The following TET1 variants were observed in gnomAD, a reference collection of about 807,000 sequenced individuals.
The protein encoded by TET1 is tet methylcytosine dioxygenase 1.
In TET1, 13 loss-of-function variants were observed where a neutral mutation model predicts 148.7. That is an observed-to-expected ratio of 0.09 (90% CI 0.06 to 0.14). The LOEUF (loss-of-function observed/expected upper bound fraction) is 0.14, where lower values mean the gene tolerates loss of function less well. Among genes scored for constraint, TET1 ranks in the 10% least tolerant of loss-of-function variants. The pLI is 1.00. For missense variants in TET1, 2,182 were observed against 2,553.8 expected, an observed-to-expected ratio of 0.85 and a Z score of 3.14; for synonymous variants, 907 against 937.2, an observed-to-expected ratio of 0.97 and a Z score of 0.59.
chr10:68,654,382 G>A (rs527929616), intron 6 of TET1, among the ~76,000 whole-genome samples: 7 of 152,220 alleles, frequency 4.6e-5, no homozygotes, highest in South Asian at 4.1e-4. Context: ...ATGGGAGGCC[G>A]AGTGGGGCAG....
chr10:68,602,904 T>C (rs1296936502), intron 3 of TET1, among the ~76,000 whole-genome samples: 1 of 152,246 alleles, frequency 6.6e-6, no homozygotes, highest in Admixed American at 6.5e-5. Flanking sequence ...AAGCTTTGTT[T>C]CTCTGCTTCA....
intron 3 of TET1, among the ~76,000 whole-genome samples, chr10:68,626,077 G>A (rs1156864916): frequency 7.0e-5 from 8 of 113,576 alleles, no homozygotes; most frequent in East Asian, 2.5e-4. Flanking sequence ...GAGTAAGAAC[G>A]AGACCCTATC....
rs188384588 is a variant in TET1 at position 68,602,180 on chromosome 10, G to A, written c.1968+1146G>A. Among the ~76,000 whole-genome samples the A allele has an allele frequency of 3.3e-5, 5 of 152,334 alleles. No homozygotes were observed. The East Asian group carries it at 7.7e-4, about 23-fold the overall frequency. On this transcript the variant is annotated intron_variant, in intron 3 of 11. Transcript: ENST00000373644. ...CATAGTCAGCAATGTGCTAGGCACT[G>A]TGAAATGAATGAAATTGCTTGACAC... is the stretch of plus-strand genomic sequence containing the variant.
At chr10:68,685,147 C>G (rs943549427) in intron 10 of TET1, among the ~76,000 whole-genome samples, 1 of 152,056 alleles carries the variant, frequency 6.6e-6, no homozygotes, top group South Asian at 2.1e-4. Flanking sequence ...CCCAGCTACT[C>G]GAGAGACTGA....
intron 3 of TET1, among the ~76,000 whole-genome samples, chr10:68,635,408 A>G (rs749848574): frequency 6.6e-6 from 1 of 152,136 alleles, no homozygotes; most frequent in African/African-American, 2.4e-5. Context: ...AGCCTGGGCA[A>G]CATAGCAAGA....
intron 3 of TET1, among the ~76,000 whole-genome samples, chr10:68,608,397 G>A (rs1021694758): frequency 6.7e-5 from 10 of 150,288 alleles, no homozygotes; most frequent in African/African-American, 2.5e-4. Context: ...CACCATGCCT[G>A]GCTAATTTTC....
At chr10:68,571,378 A>G (rs1193430928) in intron 1 of TET1, among the ~76,000 whole-genome samples, 1 of 151,494 alleles carries the variant, frequency 6.6e-6, no homozygotes, top group African/African-American at 2.4e-5. Flanking sequence ...ATCTCGGCTC[A>G]CCGCAATCTC....
chr10:68,591,573 C>G (rs755337439), intron 2 of TET1, among the ~76,000 whole-genome samples: 1 of 152,196 alleles, frequency 6.6e-6, no homozygotes, highest in South Asian at 2.1e-4. Flanking sequence ...AAGAAATAAG[C>G]CTTTTCTGAA....
intron 7 of TET1, among the ~76,000 whole-genome samples, chr10:68,668,976 G>GGAGAGAGA (rs56945020): frequency 2.4e-4 from 36 of 148,668 alleles, no homozygotes; most frequent in Non-Finnish European, 3.3e-4. Context: ...CATGGCAAAA[G>GGAGAGAGA]GAGAGAGAGA....
In TET1 at chr10:68,670,557, C is replaced by T. The variant is rs73262438; in HGVS notation, c.4674-2338C>T. 4.2e-3 allele frequency among the ~76,000 whole-genome samples: 642 copies of T among 152,318 alleles called. 2 individuals are homozygous for T. The highest frequency in any genetic ancestry group is 0.015 in the African/African-American group (610 of 41,580). On this transcript the variant is annotated intron_variant, in intron 7 of 11. Coordinates refer to ENST00000373644, the MANE Select transcript of TET1 (RefSeq NM_030625.3). ...GACTATTTAAAATAATCTGAGGATG[C>T]TCTTCTAGATCTCACAACTTATCAC...
Position 68,667,498 on chromosome 10 carries a change from G to C in TET1, c.4673+242G>C, listed in dbSNP as rs186611200. On this transcript the variant is annotated intron_variant, in intron 7 of 11. Coordinates refer to ENST00000373644, the MANE Select transcript of TET1 (RefSeq NM_030625.3). ...TGACCAGGTGCAGTGGCTCATGCCT[G>C]TAATCCCAGCACTTTGGGAGGCCGA... Among the ~76,000 whole-genome samples, 272 of 152,250 alleles carry C rather than the reference G, an allele frequency of 1.8e-3. 4 individuals are homozygous for C. Among genetic ancestry groups the C allele is most frequent in the Admixed American group, 0.015 (232 of 15,286 alleles).
intron 3 of TET1, among the ~76,000 whole-genome samples, chr10:68,616,433 A>G (rs2054290636): frequency 6.6e-6 from 1 of 152,216 alleles, no homozygotes; most frequent in African/African-American, 2.4e-5. Flanking sequence ...GTATCTGGAG[A>G]CACATGTCAA....
rs1206279895 is a variant in TET1 at position 68,691,008 on chromosome 10, T to C, written c.5605T>C (p.Ser1869Pro). 1.9e-6 allele frequency: 3 copies of C among 1,614,142 alleles called. No homozygotes were observed. Among genetic ancestry groups the C allele is most frequent in the Non-Finnish European group, 2.5e-6 (3 of 1,179,988 alleles). Residue 1869 changes from serine to proline, a missense_variant, in exon 12 of 12, where the codon TCA becomes CCA. By Grantham distance (74) the Ser-to-Pro change is moderately conservative. Around this residue, in one of 11 missense-constraint regions of TET1, gnomAD observed 380 missense variants for 387.9 expected, o/e 0.98. Transcript: ENST00000373644. This position sits in a 1 kb window ranked among gnomAD's most constrained non-coding sequence, Gnocchi z 4.4. ...PAPLKNDATA[S>P]CGFSERSSTP... Reference sequence around the variant, plus strand: ...TCCACTGAAGAATGACGCAACAGCCTCATGCGGGTTTTCAGAAAGAAGCAG... The same window carrying C: ...TCCACTGAAGAATGACGCAACAGCCCCATGCGGGTTTTCAGAAAGAAGCAG...
intron 3 of TET1, among the ~76,000 whole-genome samples, chr10:68,621,184 C>T (rs2054364890): frequency 6.6e-6 from 1 of 152,056 alleles, no homozygotes; most frequent in Non-Finnish European, 1.5e-5. Flanking sequence ...GCTTGTAATC[C>T]CAGCAATTTG....
At chr10:68,582,990 G>T (rs2053818282) in intron 2 of TET1, among the ~76,000 whole-genome samples, 1 of 152,044 alleles carries the variant, frequency 6.6e-6, no homozygotes, top group Admixed American at 6.6e-5. Flanking sequence ...CTGACCCATG[G>T]GTGTTAATTT....
At chr10:68,624,668 C>T (rs879592916) in intron 3 of TET1, among the ~76,000 whole-genome samples, 16,334 of 94,014 alleles carry the variant, frequency 0.17, 1,273 homozygotes, top group African/African-American at 0.23. Context: ...TTCTCTCTCT[C>T]TCTCTCTCTC....
intron 2 of TET1, among the ~76,000 whole-genome samples, chr10:68,597,465 G>A (rs2054002156): frequency 6.6e-6 from 1 of 152,204 alleles, no homozygotes; most frequent in African/African-American, 2.4e-5. Context: ...GGCATAATGT[G>A]TAACTGAAAT....
chr10:68,571,876 A>AG (rs2053674275), intron 1 of TET1, among the ~76,000 whole-genome samples: 1 of 151,380 alleles, frequency 6.6e-6, no homozygotes, highest in South Asian at 2.2e-4. Context: ...TCCCAGCACT[A>AG]GGGGAGGCCA....
chr10:68,577,161 T>G (rs185695488), intron 2 of TET1, among the ~76,000 whole-genome samples: 2,206 of 152,154 alleles, frequency 0.014, 64 homozygotes, highest in Non-Finnish European at 0.015. Flanking sequence ...CCACCCGCCT[T>G]GGCCTCCCAA....
Sources: gnomAD v4.1 joint callset for allele counts (sites outside exome capture counted in the v4.1 genomes callset) on GRCh38, gnomAD v4.1.1 for gene constraint, gnomAD v4.1.1 regional missense constraint, Gnocchi (gnomAD v3.1) non-coding constraint, MANE v1.5 for transcripts, NCBI Gene and HGNC (gene_info 2026-07-23, HGNC 2026-07-21) for gene names.